The following TESK2 variants were observed in gnomAD, a reference collection of about 807,000 sequenced individuals.
TESK2 encodes dual specificity testis-specific protein kinase 2.
Under a neutral mutation model 57.1 loss-of-function variants are expected in TESK2, and 39 were observed. The ratio of observed to expected loss-of-function variants is 0.68; its 90% CI spans 0.53 to 0.89. TESK2 has a LOEUF of 0.89. Among genes scored for constraint, TESK2 ranks in the 40% least tolerant of loss-of-function variants. The pLI, the probability that TESK2 is intolerant of heterozygous loss-of-function variation, is 0.00. For missense variants in TESK2, 646 were observed against 732.1 expected (o/e 0.88, Z 1.36); for synonymous variants, 249 against 267.9 (o/e 0.93, Z 0.69).
intron 1 of TESK2, among the ~76,000 whole-genome samples, chr1:45,472,108 C>T (rs574911308): frequency 3.3e-5 from 5 of 151,816 alleles, no homozygotes; most frequent in South Asian, 4.2e-4. Flanking sequence ...AAAAATTAGC[C>T]GGGTATGGTG....
In TESK2 at chr1:45,344,172, G is replaced by A. The variant is rs1647103242; in HGVS notation, c.*668C>T. 1 of 160,870 alleles carries A rather than the reference G, an allele frequency of 6.2e-6. No individual in the cohort carries two copies. The highest frequency in any genetic ancestry group is 2.4e-5 in the African/African-American group (1 of 41,516). The allele number at this position is 160,870 out of a possible 1,614,324, so 10.0% of individuals were successfully genotyped here. On this transcript the variant is annotated 3_prime_UTR_variant, in exon 11 of 11. Coordinates refer to ENST00000372086, the MANE Select transcript of TESK2 (RefSeq NM_007170.3). ...AACCAGCCCCACTCCCAACCACAAGGTTGAAAGTCTTATGGGGCAGAACAT... is the reference window on the plus strand; with the variant it reads ...AACCAGCCCCACTCCCAACCACAAGATTGAAAGTCTTATGGGGCAGAACAT...
Position 45,413,046 on chromosome 1 carries a change from G to C in TESK2, c.344+8679C>G, listed in dbSNP as rs1431248777. ...ATCTGAGTGTATAGTTCCTCAAAAA[G>C]GCCACTGGGGAGTGGAAGTGAGTGG... is the stretch of plus-strand genomic sequence containing the variant. On this transcript the variant is annotated intron_variant, in intron 3 of 10. Coordinates refer to ENST00000372086, the MANE Select transcript of TESK2 (RefSeq NM_007170.3). 2.0e-5 allele frequency among the ~76,000 whole-genome samples: 3 copies of C among 152,142 alleles called. No homozygotes were observed. In the East Asian group the frequency reaches 5.8e-4, roughly 29 times the overall value.
At position 45,486,827 on chromosome 1, in the gene TESK2, AT is replaced by A. The variant is rs1383856104; in HGVS notation, c.-87+4024del. Among the ~76,000 whole-genome samples the A allele has an allele frequency of 6.9e-4, 97 of 141,282 alleles. 1 individual carries two copies. Among genetic ancestry groups the A allele is most frequent in the Admixed American group, 2.1e-3 (30 of 14,046 alleles). 92.7% of individuals were successfully genotyped at this position (141,282 alleles called of 152,430 possible). ...CACACACACACACACACATATATAC[AT>A]TTTTTTTTTTTGAGACGGACTTTCG... On this transcript the variant is annotated intron_variant, in intron 1 of 10. Transcript: ENST00000372086.
chr1:45,346,935 A>G (rs1300068488), intron 8 of TESK2, 44 bp downstream of exon 8: 1 of 1,602,306 alleles, frequency 6.2e-7, no homozygotes, highest in South Asian at 1.1e-5. Flanking sequence ...CATTGCTTCA[A>G]ACTAGCCCCA....
chr1:45,488,305 A>G (rs1399765951), intron 1 of TESK2, among the ~76,000 whole-genome samples: 1 of 152,192 alleles, frequency 6.6e-6, no homozygotes, highest in Non-Finnish European at 1.5e-5. Flanking sequence ...GAAACTCACC[A>G]TAGTGTCTTC....
At chr1:45,445,233 A>G (rs1172846759) in intron 2 of TESK2, among the ~76,000 whole-genome samples, 1 of 151,772 alleles carries the variant, frequency 6.6e-6, no homozygotes, top group Non-Finnish European at 1.5e-5. Flanking sequence ...GCACTCCCCA[A>G]TCCCTAGCCC....
intron 2 of TESK2, among the ~76,000 whole-genome samples, chr1:45,423,531 TG>T (rs1356853222): frequency 7.0e-6 from 1 of 143,468 alleles, no homozygotes; most frequent in East Asian, 2.0e-4. Context: ...CACTCCAGCC[TG>T]GGTGACAGAG....
intron 4 of TESK2, among the ~76,000 whole-genome samples, chr1:45,368,595 G>A (rs1271778631): frequency 8.6e-5 from 13 of 151,728 alleles, no homozygotes; most frequent in Admixed American, 7.2e-4. Context: ...GGCTGGTCTC[G>A]AACTCCTGAC....
chr1:45,390,923 T>TC (rs1359509182), intron 3 of TESK2, among the ~76,000 whole-genome samples: 2 of 145,052 alleles, frequency 1.4e-5, no homozygotes, highest in Non-Finnish European at 3.0e-5. Context: ...CTACATTTCT[T>TC]TTTTTTTTTT....
At chr1:45,479,307 T>C (rs371581445) in intron 1 of TESK2, among the ~76,000 whole-genome samples, 1 of 152,174 alleles carries the variant, frequency 6.6e-6, no homozygotes. Flanking sequence ...AAAAATACTT[T>C]ATGATTTCCA....
At chr1:45,447,537 A>G (rs1651690286) in intron 2 of TESK2, among the ~76,000 whole-genome samples, 1 of 151,942 alleles carries the variant, frequency 6.6e-6, no homozygotes, top group African/African-American at 2.4e-5. Flanking sequence ...TTATTCTGGA[A>G]TATCTCCTAA....
intron 3 of TESK2, among the ~76,000 whole-genome samples, chr1:45,418,516 C>A (rs962839027): frequency 1.3e-5 from 2 of 152,200 alleles, no homozygotes; most frequent in African/African-American, 4.8e-5. Context: ...TCTACCAATA[C>A]TATCCTATCA....
chr1:45,370,014 GA>G (rs1467355113), intron 4 of TESK2, among the ~76,000 whole-genome samples: 5 of 152,086 alleles, frequency 3.3e-5, no homozygotes, highest in African/African-American at 7.2e-5. Context: ...TCCAGCCAGG[GA>G]AGATGATTTC....
intron 2 of TESK2, among the ~76,000 whole-genome samples, chr1:45,442,228 G>A (rs1651474184): frequency 6.6e-6 from 1 of 151,740 alleles, no homozygotes; most frequent in African/African-American, 2.4e-5. Flanking sequence ...GAGCCACCTC[G>A]CCTGGCCAAA....
intron 5 of TESK2, among the ~76,000 whole-genome samples, chr1:45,350,742 A>G (rs1647219033): frequency 6.6e-6 from 1 of 152,186 alleles, no homozygotes; most frequent in South Asian, 2.1e-4. Context: ...GCTGACTTAA[A>G]TATCTCCACA....
chr1:45,386,581 G>GT (rs1026675278), intron 3 of TESK2, among the ~76,000 whole-genome samples: 4 of 151,888 alleles, frequency 2.6e-5, no homozygotes, highest in African/African-American at 7.3e-5. Context: ...ATATGGATTA[G>GT]TTTTTTTACT....
intron 1 of TESK2, among the ~76,000 whole-genome samples, chr1:45,485,667 G>A (rs1653446125): frequency 6.6e-6 from 1 of 151,202 alleles, no homozygotes; most frequent in Non-Finnish European, 1.5e-5. Context: ...AGCAGGCGCA[G>A]GCCACCTCAC....
chr1:45,376,651 T>C (rs1461502511), intron 4 of TESK2, among the ~76,000 whole-genome samples: 2 of 152,146 alleles, frequency 1.3e-5, no homozygotes, highest in African/African-American at 2.4e-5. Flanking sequence ...CAGAGTATTA[T>C]TATAAGCTCT....
intron 4 of TESK2, among the ~76,000 whole-genome samples, chr1:45,366,951 T>C (rs1291820252): frequency 4.6e-5 from 7 of 152,016 alleles, no homozygotes; most frequent in Non-Finnish European, 8.8e-5. Context: ...CTGGGTAACA[T>C]GGCAAAACCT....
Sources: gnomAD v4.1 joint callset for allele counts (sites outside exome capture counted in the v4.1 genomes callset) on GRCh38, gnomAD v4.1.1 for gene constraint, MANE v1.5 for transcripts, NCBI Gene and HGNC (gene_info 2026-07-23, HGNC 2026-07-21) for gene names.